The following LGR4 variants were observed in gnomAD, a reference collection of about 807,000 sequenced individuals.
LGR4 encodes leucine-rich repeat-containing G protein-coupled receptor 4.
A neutral mutation model predicts 84.8 loss-of-function variants in LGR4; 44 were observed. The observed-to-expected ratio is 0.52, with a 90% CI of 0.41 to 0.67. The LOEUF (loss-of-function observed/expected upper bound fraction) is 0.67. Among genes scored for constraint, LGR4 ranks in the 30% least tolerant of loss-of-function variants. The pLI, the probability that LGR4 is intolerant of heterozygous loss-of-function variation, is 0.00. For missense variants in LGR4, 1,032 were observed against 1,131.4 expected (o/e 0.91, Z 1.26); for synonymous variants, 429 against 434.3 (o/e 0.99, Z 0.15).
chr11:27,442,174 C>T (rs1206006343), intron 1 of LGR4, among the ~76,000 whole-genome samples: 1 of 152,116 alleles, frequency 6.6e-6, no homozygotes, highest in African/African-American at 2.4e-5. Context: ...GAGGGTTAGA[C>T]AGAATGGGGC....
At chr11:27,414,259 C>T (rs148675333) in intron 1 of LGR4, among the ~76,000 whole-genome samples, 1 of 152,150 alleles carries the variant, frequency 6.6e-6, no homozygotes, top group African/African-American at 2.4e-5. Context: ...TAATACTTCT[C>T]TCCAGTGGTA....
At chr11:27,446,847 A>C (rs910649525) in intron 1 of LGR4, among the ~76,000 whole-genome samples, 9 of 152,124 alleles carry the variant, frequency 5.9e-5, no homozygotes, top group Non-Finnish European at 1.2e-4. Flanking sequence ...ATGGAATACT[A>C]TGCAGCCATA....
chr11:27,471,831 T>C (rs565983036), intron 1 of LGR4: 11 of 273,380 alleles, frequency 4.0e-5, no homozygotes, highest in Non-Finnish European at 6.1e-5. Flanking sequence ...CCAGATGCAC[T>C]TGTGAGTTGG....
intron 1 of LGR4, among the ~76,000 whole-genome samples, chr11:27,415,026 T>A (rs1444827162): frequency 6.6e-6 from 1 of 152,196 alleles, no homozygotes; most frequent in Non-Finnish European, 1.5e-5. Flanking sequence ...GTTTAAAGAC[T>A]ATCCCTCTGT....
Position 27,403,831 on chromosome 11 carries a change from T to C in LGR4, c.257+8958A>G, listed in dbSNP as rs1364337376. 3.9e-5 allele frequency among the ~76,000 whole-genome samples: 6 copies of C among 152,326 alleles called. 1 individual carries two copies. In the East Asian group the frequency reaches 1.2e-3, roughly 29 times the overall value. ...AAAGTCCAGTTTATATTAAGCATTT[T>C]TATAACTATGATTTTTTTAAAAAGC... On this transcript the variant is annotated intron_variant, in intron 2 of 17. Coordinates refer to ENST00000379214, the MANE Select transcript of LGR4 (RefSeq NM_018490.5).
chr11:27,391,108 A>G lies in LGR4; in HGVS notation c.387T>C (p.Ser129=), dbSNP rs1863276500. 1.9e-6 allele frequency: 3 copies of G among 1,607,208 alleles called. No individual in the cohort carries two copies. Among genetic ancestry groups the G allele is most frequent in the Non-Finnish European group, 1.7e-6 (2 of 1,175,736 alleles). The change falls in exon 4 of 18, where the codon AGT becomes AGC. Residue 129 remains serine (S), a synonymous_variant. Coordinates refer to ENST00000379214, the MANE Select transcript of LGR4 (RefSeq NM_018490.5). The part of the protein sequence containing the change: ...TVPSEAIRGL[S]ALQSLRLDAN... Reference sequence around the variant, plus strand: ...AAGTTACTTACAAAGACTGCAAAGCACTCAGCCCTCGAATGGCTTCACTGG... The same window carrying G: ...AAGTTACTTACAAAGACTGCAAAGCGCTCAGCCCTCGAATGGCTTCACTGG...
In LGR4 at chr11:27,368,319, C is replaced by T. The variant is rs1390749728; in HGVS notation, c.2404G>A (p.Val802Ile). ...LPACLNPVLY[V>I]FFNPKFKEDW... is the part of the protein sequence containing the mutation. ...TCTTTAAACTTTGGGTTGAAGAAAA[C>T]ATACAGGACTGGATTCAGGCAAGCA... The change falls in exon 18 of 18, where the codon GTT (valine) becomes ATT (isoleucine). Residue 802 changes from valine to isoleucine, a missense_variant. By Grantham distance (29) the Val-to-Ile change is conservative (BLOSUM62 3). Transcript: ENST00000379214. 1 of 1,614,076 alleles carries T rather than the reference C, an allele frequency of 6.2e-7. No homozygotes were observed. Among genetic ancestry groups the T allele is most frequent in the Admixed American group, 1.7e-5 (1 of 60,004 alleles).
chr11:27,413,199 T>C (rs1355628415), intron 1 of LGR4, among the ~76,000 whole-genome samples: 1 of 152,056 alleles, frequency 6.6e-6, no homozygotes, highest in East Asian at 1.9e-4. Context: ...CTGATCAAAA[T>C]AAACAAATGA....
At chr11:27,377,018 A>G (rs1862996788) in intron 12 of LGR4, 140 bp downstream of exon 12, 2 of 534,582 alleles carry the variant, frequency 3.7e-6, no homozygotes, top group South Asian at 5.7e-5. Flanking sequence ...ATCTGGTTCA[A>G]TTTGACATGT....
At position 27,472,760 on chromosome 11, in the gene LGR4, C is replaced by A. The variant is rs766465593; in HGVS notation, c.-458G>T. ...TCCCAGCCGCGGCTCAATCTCTTCCCGTCCTTTTCCCTTCTAGGGTTGCAC... is the reference window on the plus strand; with the variant it reads ...TCCCAGCCGCGGCTCAATCTCTTCCAGTCCTTTTCCCTTCTAGGGTTGCAC... On this transcript the variant is annotated 5_prime_UTR_variant, in exon 1 of 18. Transcript: ENST00000379214. 2 of 343,888 alleles carry A rather than the reference C, an allele frequency of 5.8e-6. No individual in the cohort carries two copies. The highest frequency in any genetic ancestry group is 1.0e-5 in the Non-Finnish European group (2 of 191,526). 21.3% of individuals were successfully genotyped at this position (343,888 alleles called of 1,614,324 possible). A position where few individuals can be genotyped will look rare whatever the true frequency, so the allele number is the denominator to read the frequency against.
At chr11:27,447,117 T>C (rs1590400936) in intron 1 of LGR4, among the ~76,000 whole-genome samples, 1 of 151,970 alleles carries the variant, frequency 6.6e-6, no homozygotes, top group Non-Finnish European at 1.5e-5. Flanking sequence ...CACACCAACA[T>C]GGCACATGTA....
chr11:27,420,631 T>A (rs1221881010), intron 1 of LGR4, among the ~76,000 whole-genome samples: 1 of 152,032 alleles, frequency 6.6e-6, no homozygotes, highest in Non-Finnish European at 1.5e-5. Context: ...ATATTACGTA[T>A]AATATACATA....
intron 2 of LGR4, among the ~76,000 whole-genome samples, chr11:27,410,211 G>A (rs1863684907): frequency 6.6e-6 from 1 of 152,152 alleles, no homozygotes; most frequent in South Asian, 2.1e-4. Flanking sequence ...GATGGGTCAT[G>A]CTTGTATCTG....
intron 1 of LGR4, among the ~76,000 whole-genome samples, chr11:27,463,322 A>G (rs1405355613): frequency 6.6e-6 from 1 of 152,046 alleles, no homozygotes; most frequent in Non-Finnish European, 1.5e-5. Context: ...CTCAAAATGA[A>G]CTTGGAGAAC....
chr11:27,466,388 C>A (rs901210865), intron 1 of LGR4, among the ~76,000 whole-genome samples: 37 of 152,140 alleles, frequency 2.4e-4, no homozygotes, highest in African/African-American at 7.7e-4. Context: ...ATCATCTAGT[C>A]AAATGTCCAT....
chr11:27,379,075 G>T, intron 10 of LGR4: 1 of 320,752 alleles, frequency 3.1e-6, no homozygotes, highest in East Asian at 6.5e-5. Context: ...ATTGCAAGTT[G>T]TCACCTTCTT....
intron 2 of LGR4, among the ~76,000 whole-genome samples, chr11:27,410,556 C>T (rs147749211): frequency 3.9e-5 from 6 of 152,040 alleles, no homozygotes; most frequent in African/African-American, 7.2e-5. Flanking sequence ...ATAGTCATGG[C>T]GGCATCATTT....
chr11:27,381,654 C>T (rs1863096571), intron 7 of LGR4, among the ~76,000 whole-genome samples: 1 of 152,016 alleles, frequency 6.6e-6, no homozygotes, highest in South Asian at 2.1e-4. Flanking sequence ...TGCACCGTGA[C>T]ACTCCAGCCT....
At chr11:27,391,063 TG>T in intron 4 of LGR4, 30 bp downstream of exon 4, 1 of 1,332,504 alleles carries the variant, frequency 7.5e-7, no homozygotes, top group Non-Finnish European at 1.1e-6. Context: ...AGTAGTCTCT[TG>T]GTGAGTCAAG....
Sources: allele counts gnomAD v4.1 joint callset (sites outside exome capture counted in the v4.1 genomes callset), GRCh38; gene constraint gnomAD v4.1.1; transcripts MANE v1.5; gene names NCBI Gene and HGNC (gene_info 2026-07-23, HGNC 2026-07-21).